The following TBCD variants were observed in gnomAD, a reference collection of about 807,000 sequenced individuals.
The protein encoded by TBCD is tubulin folding cofactor D, also known as tubulin-specific chaperone D.
TBCD carries 105 observed loss-of-function variants against 169.3 expected under a neutral mutation model. The ratio of observed to expected loss-of-function variants is 0.62; its 90% CI spans 0.53 to 0.73. The LOEUF (loss-of-function observed/expected upper bound fraction) is 0.73. Ranked by LOEUF, TBCD falls within the 30% of genes least tolerant of loss-of-function variation. The pLI, the probability that TBCD is intolerant of heterozygous loss-of-function variation, is 0.00. For synonymous variants in TBCD, 700 were observed against 643.9 expected, an observed-to-expected ratio of 1.09 and a Z score of -1.32; for missense variants, 1,444 against 1,600.1, an observed-to-expected ratio of 0.90 and a Z score of 1.66.
chr17:82,884,084 C>G lies in TBCD; in HGVS notation c.1476-61C>G. 1 of 1,479,932 alleles carries G rather than the reference C, an allele frequency of 6.8e-7. No individual in the cohort carries two copies. Among genetic ancestry groups the G allele is most frequent in the Non-Finnish European group, 9.3e-7 (1 of 1,080,142 alleles). The allele number at this position is 1,479,932 out of a possible 1,614,324, so 91.7% of individuals were successfully genotyped here. A position where few individuals can be genotyped will look rare whatever the true frequency, so the allele number is the denominator to read the frequency against. On this transcript the variant is annotated intron_variant, in intron 14 of 38. Transcript: ENST00000355528. This position sits in a 1 kb window ranked among gnomAD's most constrained non-coding sequence, Gnocchi z 4.2. Reference sequence around the variant, plus strand: ...TGAGAGAAAGGCTTTCTCATCGATACTGTGTGGTCTGTACTGTTTTGCAGA... The same window carrying G: ...TGAGAGAAAGGCTTTCTCATCGATAGTGTGTGGTCTGTACTGTTTTGCAGA...
At chr17:82,760,089 G>C (rs140039119) in intron 2 of TBCD, among the ~76,000 whole-genome samples, 1 of 151,586 alleles carries the variant, frequency 6.6e-6, no homozygotes, top group Non-Finnish European at 1.5e-5. Context: ...GGCCAGGATA[G>C]TCTCGAACTC....
Position 82,906,657 on chromosome 17 carries a change from A to G in TBCD, c.1922+604A>G, listed in dbSNP as rs186789083. 1.2e-3 allele frequency among the ~76,000 whole-genome samples: 185 copies of G among 152,332 alleles called. 10 individuals carry two copies. In the East Asian group the frequency reaches 0.026, roughly 21 times the overall value. ...TCCCGGACTTACCATAGTGACGGCA[A>G]CCTGCTTCTCGGACTCCAGTTTAAG... On this transcript the variant is annotated intron_variant, in intron 20 of 38. Transcript: ENST00000355528.
chr17:82,826,779 TTATG>T (rs1425483214), intron 13 of TBCD, among the ~76,000 whole-genome samples: 1 of 151,622 alleles, frequency 6.6e-6, no homozygotes, highest in East Asian at 1.9e-4. Flanking sequence ...TGCTTTTTAT[TTATG>T]TATTTTTTTT....
In TBCD at chr17:82,930,751, A is replaced by G; in HGVS notation, c.3113+108A>G. On this transcript the variant is annotated intron_variant, in intron 33 of 38. Coordinates refer to ENST00000355528, the MANE Select transcript of TBCD (RefSeq NM_005993.5). This position sits in a 1 kb window ranked among gnomAD's most constrained non-coding sequence, Gnocchi z 5.2. ...CAGGGTCTGTCTGGGGTCTGAAGGG[A>G]GAAGCGAGACACACGCTGTACCAGT... 3 of 1,525,846 alleles carry G rather than the reference A, an allele frequency of 2.0e-6. No individual in the cohort carries two copies. Among genetic ancestry groups the G allele is most frequent in the Non-Finnish European group, 2.7e-6 (3 of 1,125,496 alleles). The allele number at this position is 1,525,846 out of a possible 1,614,324, so 94.5% of individuals were successfully genotyped here. A position where few individuals can be genotyped will look rare whatever the true frequency, so the allele number is the denominator to read the frequency against.
chr17:82,779,410 T>C (rs1314673990), intron 6 of TBCD, among the ~76,000 whole-genome samples: 1 of 152,192 alleles, frequency 6.6e-6, no homozygotes, highest in Non-Finnish European at 1.5e-5. Flanking sequence ...GGTGAGCCAC[T>C]GTGCCCAGCC....
intron 11 of TBCD, among the ~76,000 whole-genome samples, 178 bp downstream of exon 11, chr17:82,807,846 C>T (rs538859003): frequency 2.6e-5 from 4 of 152,368 alleles, no homozygotes; most frequent in East Asian, 1.9e-4. Context: ...GGCGGAGCTT[C>T]GGTCTCCTCC....
At chr17:82,899,290 T>C (rs1180861954) in intron 17 of TBCD, among the ~76,000 whole-genome samples, 6 of 146,054 alleles carry the variant, frequency 4.1e-5, no homozygotes, top group East Asian at 2.1e-4. Context: ...GTGTCCTCAG[T>C]GCGTGTGTCC....
In TBCD at chr17:82,772,463, T is replaced by G; in HGVS notation, c.594T>G (p.Ile198Met). Reference protein sequence around the residue: ...RILQIAESYLIVSDKARDAAA... With the variant: ...RILQIAESYLMVSDKARDAAA... ...ACCCTTTCTTGCAGTCCTACTTGATTGTCAGTGACAAGGCCCGAGATGCAG... is the reference window on the plus strand; with the variant it reads ...ACCCTTTCTTGCAGTCCTACTTGATGGTCAGTGACAAGGCCCGAGATGCAG... The change falls in exon 6 of 39, where the codon ATT (isoleucine) becomes ATG (methionine). Residue 198 changes from isoleucine to methionine, a missense_variant. By Grantham distance (10) the Ile-to-Met change is conservative. Transcript: ENST00000355528. The G allele has an allele frequency of 6.2e-7, 1 of 1,613,974 alleles. No individual in the cohort carries two copies. The highest frequency in any genetic ancestry group is 8.5e-7 in the Non-Finnish European group (1 of 1,179,882).
intron 9 of TBCD, among the ~76,000 whole-genome samples, chr17:82,802,105 A>G (rs1247973368): frequency 1.3e-5 from 2 of 150,730 alleles, no homozygotes; most frequent in African/African-American, 4.9e-5. Context: ...TCTGAATGAC[A>G]GGCTCCCTTT....
chr17:82,788,162 C>T (rs919469111), intron 7 of TBCD, among the ~76,000 whole-genome samples: 5 of 152,088 alleles, frequency 3.3e-5, no homozygotes, highest in South Asian at 4.2e-4. Flanking sequence ...CGCTTGAACC[C>T]GGGAGGTGGA....
At chr17:82,757,160 C>G (rs993183727) in intron 2 of TBCD, among the ~76,000 whole-genome samples, 3 of 152,190 alleles carry the variant, frequency 2.0e-5, no homozygotes, top group African/African-American at 7.2e-5. Flanking sequence ...GCTTCATAGC[C>G]CAGTTTCACC....
chr17:82,842,076 G>T (rs1321018342), intron 13 of TBCD, among the ~76,000 whole-genome samples: 2 of 152,272 alleles, frequency 1.3e-5, no homozygotes, highest in Non-Finnish European at 2.9e-5. Flanking sequence ...CTGCCCAGAT[G>T]CAAGGCGGGA....
chr17:82,893,513 T>A (rs1272284381), intron 16 of TBCD, 34 bp from the exon 17 acceptor site: 1 of 1,500,750 alleles, frequency 6.7e-7, no homozygotes, highest in African/African-American at 1.4e-5. Context: ...TCATTCAAAT[T>A]CTTCTTTTTC....
rs58346723 is a variant in TBCD at position 82,855,235 on chromosome 17, C to CT, written c.1319-14953dup. On this transcript the variant is annotated intron_variant, in intron 13 of 38. Coordinates refer to ENST00000355528, the MANE Select transcript of TBCD (RefSeq NM_005993.5). ...CCAGAGGGGCAGGGAAAGGTGTTTG[C>CT]TTTTTTTTTTTTTTTTTTTTTTTTT... Among the ~76,000 whole-genome samples the CT allele has an allele frequency of 9.6e-4, 52 of 54,024 alleles. 2 individuals carry two copies. The highest frequency in any genetic ancestry group is 1.7e-3 in the South Asian group (2 of 1,172). The allele number at this position is 54,024 out of a possible 152,430, so 35.4% of individuals were successfully genotyped here.
intron 33 of TBCD, among the ~76,000 whole-genome samples, chr17:82,931,304 C>T (rs889186291): frequency 1.3e-5 from 2 of 152,256 alleles, no homozygotes; most frequent in Admixed American, 6.5e-5. Flanking sequence ...CGACTATAAT[C>T]AGCTGCACAT....
chr17:82,846,891 C>G (rs564252656), intron 13 of TBCD, among the ~76,000 whole-genome samples: 173 of 143,236 alleles, frequency 1.2e-3, no homozygotes, highest in African/African-American at 3.9e-3. Flanking sequence ...GGTGTCTGGT[C>G]TCTGGGCCAC....
intron 13 of TBCD, chr17:82,830,199 C>T (rs148552333): frequency 3.1e-6 from 5 of 1,614,100 alleles, no homozygotes; most frequent in Non-Finnish European, 3.4e-6. Context: ...CCTGCAGCTT[C>T]GCCTTCTTAG....
Position 82,804,177 on chromosome 17 carries a change from G to T in TBCD, c.951-1698G>T, listed in dbSNP as rs572302849. On this transcript the variant is annotated intron_variant, in intron 9 of 38. Transcript: ENST00000355528. ...GGGTGTTGGGGAAGAGTGGGGGCTG[G>T]GGTGTGCCTGCTCGTGGGGCATTAG... Among the ~76,000 whole-genome samples the T allele has an allele frequency of 1.1e-4, 16 of 151,952 alleles. No individual in the cohort carries two copies. The East Asian group carries it at 2.9e-3, about 28-fold the overall frequency.
chr17:82,940,092 G>T (rs1215983912), intron 37 of TBCD, among the ~76,000 whole-genome samples: 1 of 152,180 alleles, frequency 6.6e-6, no homozygotes, highest in East Asian at 1.9e-4. Flanking sequence ...AATGAGAGCA[G>T]AGTGGGGAAA....
Sources: allele counts gnomAD v4.1 joint callset (sites outside exome capture counted in the v4.1 genomes callset), GRCh38; gene constraint gnomAD v4.1.1; non-coding constraint Gnocchi (gnomAD v3.1); transcripts MANE v1.5; gene names NCBI Gene and HGNC (gene_info 2026-07-23, HGNC 2026-07-21).